Variants in ANKH observed in about 807,000 individuals in gnomAD.
ANKH encodes ANKH inorganic pyrophosphate transport regulator.
ANKH carries 15 observed loss-of-function variants against 49.0 expected under a neutral mutation model. That is an observed-to-expected ratio of 0.31 (90% CI 0.20 to 0.47). The LOEUF is 0.47. Among genes scored for constraint, ANKH ranks in the 20% least tolerant of loss-of-function variants. ANKH has a pLI of 1.00. For missense variants in ANKH, 429 were observed against 652.0 expected, an observed-to-expected ratio of 0.66 and a Z score of 3.72; for synonymous variants, 273 against 260.0, an observed-to-expected ratio of 1.05 and a Z score of -0.48.
At chr5:14,813,404 C>T (rs1490934056) in intron 1 of ANKH, among the ~76,000 whole-genome samples, 2 of 151,958 alleles carry the variant, frequency 1.3e-5, no homozygotes, top group East Asian at 3.9e-4. Context: ...GAATTGTCAT[C>T]TGAATGCCAC....
At chr5:14,719,925 T>C (rs1737608281) in intron 8 of ANKH, among the ~76,000 whole-genome samples, 1 of 152,240 alleles carries the variant, frequency 6.6e-6, no homozygotes, top group African/African-American at 2.4e-5. Context: ...GACAGTTTCA[T>C]CAAATATTTA....
rs1561058018 is a variant in ANKH at position 14,793,071 on chromosome 5, AT to A, written c.97-23881del. ...ATAAATATATATAAAATATATATAA[AT>A]ATATAAAAATATATATATAAATATT... On this transcript the variant is annotated intron_variant, in intron 1 of 11. Coordinates refer to ENST00000284268, the MANE Select transcript of ANKH (RefSeq NM_054027.6). Among the ~76,000 whole-genome samples the A allele has an allele frequency of 8.4e-4, 90 of 106,638 alleles. 2 individuals are homozygous for A. Among genetic ancestry groups the A allele is most frequent in the African/African-American group, 3.1e-3 (83 of 26,832 alleles). 70.0% of individuals were successfully genotyped at this position (106,638 alleles called of 152,430 possible).
At chr5:14,780,780 G>A (rs556895988) in intron 1 of ANKH, among the ~76,000 whole-genome samples, 37 of 152,242 alleles carry the variant, frequency 2.4e-4, no homozygotes, top group African/African-American at 7.7e-4. Context: ...ATTTTGTCTC[G>A]TTCAGAACCA....
chr5:14,797,216 T>C, intron 1 of ANKH: 1 of 1,337,002 alleles, frequency 7.5e-7, no homozygotes, highest in Non-Finnish European at 1.1e-6. Flanking sequence ...TGATATTGTC[T>C]TCCGATACAG....
At chr5:14,871,101 A>G (rs953832721) in intron 1 of ANKH, 7 of 624,724 alleles carry the variant, frequency 1.1e-5, no homozygotes, top group East Asian at 6.5e-5. Flanking sequence ...AAACCCTTCC[A>G]TAGGTGAAGC....
chr5:14,744,098 G>A (rs890088161), intron 7 of ANKH, among the ~76,000 whole-genome samples: 3 of 152,120 alleles, frequency 2.0e-5, no homozygotes, highest in Admixed American at 2.0e-4. Context: ...CTATACACAC[G>A]TGCCTTGAAA....
intron 6 of ANKH, among the ~76,000 whole-genome samples, chr5:14,747,904 G>A (rs1300045490): frequency 6.6e-6 from 1 of 152,132 alleles, no homozygotes; most frequent in East Asian, 1.9e-4. Flanking sequence ...CCTTCTTGCT[G>A]CTCTGGTGGA....
At chr5:14,806,575 A>T (rs921618861) in intron 1 of ANKH, among the ~76,000 whole-genome samples, 1 of 152,106 alleles carries the variant, frequency 6.6e-6, no homozygotes, top group Non-Finnish European at 1.5e-5. Context: ...CTGTGGCAGG[A>T]GGTCACGCTC....
chr5:14,800,133 A>G (rs955208642), intron 1 of ANKH, among the ~76,000 whole-genome samples: 2 of 152,236 alleles, frequency 1.3e-5, no homozygotes, highest in Non-Finnish European at 2.9e-5. Context: ...AGAAATAGCA[A>G]GAGAACTAGA....
At chr5:14,723,148 G>A (rs1737721358) in intron 8 of ANKH, among the ~76,000 whole-genome samples, 3 of 152,060 alleles carry the variant, frequency 2.0e-5, no homozygotes, top group Admixed American at 1.3e-4. Context: ...TGTCTTGGAT[G>A]AGATCCTGGA....
intron 1 of ANKH, among the ~76,000 whole-genome samples, chr5:14,859,918 G>A (rs1344189553): frequency 6.6e-6 from 1 of 152,230 alleles, no homozygotes; most frequent in Non-Finnish European, 1.5e-5. Context: ...GGGCCCTTTG[G>A]CAGGTCTCTA....
intron 1 of ANKH, among the ~76,000 whole-genome samples, chr5:14,789,786 C>T (rs1338177306): frequency 1.2e-4 from 19 of 152,196 alleles, no homozygotes; most frequent in Admixed American, 9.8e-4. Context: ...TCTCAGCTCA[C>T]TGCAACCTCC....
intron 1 of ANKH, among the ~76,000 whole-genome samples, chr5:14,843,629 A>C (rs1386071687): frequency 6.6e-6 from 1 of 151,944 alleles, no homozygotes; most frequent in Non-Finnish European, 1.5e-5. Context: ...AGGGCAGACT[A>C]ACAGACCCTG....
chr5:14,847,133 C>A (rs940546528), intron 1 of ANKH, among the ~76,000 whole-genome samples: 1 of 151,850 alleles, frequency 6.6e-6, no homozygotes, highest in Admixed American at 6.6e-5. Flanking sequence ...AGGAAGGGAG[C>A]CAGTAAACTA....
At chr5:14,736,961 G>C (rs1394078522) in intron 8 of ANKH, among the ~76,000 whole-genome samples, 1 of 152,238 alleles carries the variant, frequency 6.6e-6, no homozygotes, top group African/African-American at 2.4e-5. Context: ...GTACAGCAGA[G>C]CAGGGAGCTT....
intron 8 of ANKH, among the ~76,000 whole-genome samples, chr5:14,730,851 C>T (rs369344249): frequency 6.6e-6 from 1 of 152,216 alleles, no homozygotes; most frequent in African/African-American, 2.4e-5. Flanking sequence ...CCGGGTTCCA[C>T]TGGGATGAGG....
intron 8 of ANKH, among the ~76,000 whole-genome samples, chr5:14,724,910 T>C (rs967394957): frequency 6.6e-6 from 1 of 152,064 alleles, no homozygotes; most frequent in Non-Finnish European, 1.5e-5. Context: ...GGCTTCCCCA[T>C]TGCCCTGAAT....
intron 1 of ANKH, among the ~76,000 whole-genome samples, chr5:14,822,560 T>C (rs1029087912): frequency 1.3e-5 from 2 of 152,222 alleles, no homozygotes; most frequent in African/African-American, 4.8e-5. Flanking sequence ...CATTTTATTG[T>C]ATATAAAATG....
rs148122186 is a variant in ANKH at position 14,717,510 on chromosome 5, G to A, written c.1012-675C>T. 4.0e-3 allele frequency among the ~76,000 whole-genome samples: 609 copies of A among 152,288 alleles called. 4 individuals are homozygous for A. The highest frequency in any genetic ancestry group is 0.014 in the African/African-American group (595 of 41,560). Reference sequence around the variant, plus strand: ...CCCTTCCCCACAGATCAGAAAGTGCGGCACAGGTCCTTCCAGAGACAGGGT... The same window carrying A: ...CCCTTCCCCACAGATCAGAAAGTGCAGCACAGGTCCTTCCAGAGACAGGGT... On this transcript the variant is annotated intron_variant, in intron 8 of 11. Transcript: ENST00000284268.
Sources: allele counts gnomAD v4.1 joint callset (sites outside exome capture counted in the v4.1 genomes callset), GRCh38; gene constraint gnomAD v4.1.1; transcripts MANE v1.5; gene names NCBI Gene and HGNC (gene_info 2026-07-23, HGNC 2026-07-21).